Variants in STPG1 observed in about 807,000 individuals in gnomAD.
STPG1 encodes the protein O(6)-methylguanine-induced apoptosis 2.
Under a neutral mutation model 40.1 loss-of-function variants are expected in STPG1, and 33 were observed. The ratio of observed to expected loss-of-function variants is 0.82; its 90% CI spans 0.62 to 1.10. STPG1 has a LOEUF of 1.10. STPG1 is among the 50% of genes least tolerant of loss of function. STPG1 has a pLI of 0.00. For missense variants in STPG1, 396 were observed against 415.1 expected, an observed-to-expected ratio of 0.95 and a Z score of 0.40; for synonymous variants, 150 against 155.0, an observed-to-expected ratio of 0.97 and a Z score of 0.24.
chr1:24,388,674 C>CT (rs1451499706), intron 3 of STPG1, among the ~76,000 whole-genome samples: 1 of 152,208 alleles, frequency 6.6e-6, no homozygotes, highest in Non-Finnish European at 1.5e-5. Context: ...GTGTGGGTGA[C>CT]TAATGCTTTA....
rs751266236 is a variant in STPG1 at position 24,379,826 on chromosome 1, G to A, written c.292-3C>T. The A allele has an allele frequency of 5.6e-6, 9 of 1,613,098 alleles. No individual in the cohort carries two copies. The highest frequency in any genetic ancestry group is 1.3e-5 in the African/African-American group (1 of 74,906). On this transcript the variant is annotated splice_region_variant and splice_polypyrimidine_tract_variant and intron_variant, in intron 4 of 8. Coordinates refer to ENST00000337248, the MANE Select transcript of STPG1 (RefSeq NM_001199013.2). Reference sequence around the variant, plus strand: ...ATGATGGTGTCCAATCGGGCGCACTGTAAGGAGACAACCAAAGGAATCAGC... The same window carrying A: ...ATGATGGTGTCCAATCGGGCGCACTATAAGGAGACAACCAAAGGAATCAGC...
intron 5 of STPG1, among the ~76,000 whole-genome samples, chr1:24,377,828 C>G (rs1642099799): frequency 6.6e-6 from 1 of 152,222 alleles, no homozygotes. Flanking sequence ...CTGGTGCCCA[C>G]TGAAGTGCAA....
At chr1:24,407,097 C>T (rs1263888186) in intron 1 of STPG1, among the ~76,000 whole-genome samples, 1 of 152,172 alleles carries the variant, frequency 6.6e-6, no homozygotes, top group Non-Finnish European at 1.5e-5. Context: ...CCCTGGCAAC[C>T]ACCATTGTAC....
At chr1:24,382,183 A>C (rs1376749192) in intron 4 of STPG1, among the ~76,000 whole-genome samples, 1 of 152,114 alleles carries the variant, frequency 6.6e-6, no homozygotes, top group Non-Finnish European at 1.5e-5. Flanking sequence ...TTTCATTTGG[A>C]AAGTTACCGC....
At chr1:24,372,120 G>A (rs988641805) in intron 6 of STPG1, among the ~76,000 whole-genome samples, 2 of 152,212 alleles carry the variant, frequency 1.3e-5, no homozygotes, top group Admixed American at 6.5e-5. Context: ...GGAGGTTGCG[G>A]TGAGCCGAGA....
intron 2 of STPG1, among the ~76,000 whole-genome samples, chr1:24,396,678 C>T (rs1643019833): frequency 1.3e-5 from 2 of 152,026 alleles, no homozygotes; most frequent in African/African-American, 4.8e-5. Context: ...TTTAAGGTAA[C>T]CACTAGGAAA....
At chr1:24,360,430 A>G (rs1347924759) in intron 8 of STPG1, among the ~76,000 whole-genome samples, 2 of 152,240 alleles carry the variant, frequency 1.3e-5, no homozygotes, top group African/African-American at 2.4e-5. Context: ...TGGGCGATAC[A>G]GCGAGACTCC....
chr1:24,405,919 A>C (rs1570102761), intron 1 of STPG1, among the ~76,000 whole-genome samples: 1 of 152,048 alleles, frequency 6.6e-6, no homozygotes, highest in Non-Finnish European at 1.5e-5. Context: ...CTTTATATTT[A>C]ATTATTGAGT....
intron 3 of STPG1, among the ~76,000 whole-genome samples, chr1:24,386,583 A>G (rs1192986365): frequency 6.6e-6 from 1 of 152,236 alleles, no homozygotes; most frequent in African/African-American, 2.4e-5. Flanking sequence ...TGACCAGCAC[A>G]CCACCGCCTT....
chr1:24,361,978 C>T (rs1238685033), intron 7 of STPG1, among the ~76,000 whole-genome samples: 1 of 152,132 alleles, frequency 6.6e-6, no homozygotes, highest in Non-Finnish European at 1.5e-5. Flanking sequence ...TGCTACTCTC[C>T]CAACCATGTA....
chr1:24,358,572 C>T lies in STPG1; in HGVS notation c.976G>A (p.Glu326Lys), dbSNP rs780484873. 57 of 1,613,982 alleles carry T rather than the reference C, an allele frequency of 3.5e-5. No homozygotes were observed. The South Asian group carries it at 5.5e-4, about 16-fold the overall frequency. ...LPGKQSFLYN[E>K]DKKWIPVL Reference sequence around the variant, plus strand: ...AGAACCGGGATCCATTTCTTGTCCTCGTTGTAGAGGAAGGACTGCTTTCCT... The same window carrying T: ...AGAACCGGGATCCATTTCTTGTCCTTGTTGTAGAGGAAGGACTGCTTTCCT... Residue 326 changes from glutamate to lysine, a missense_variant, in exon 9 of 9, where the codon GAG (glutamate) becomes AAG (lysine). Coordinates refer to ENST00000337248, the MANE Select transcript of STPG1 (RefSeq NM_001199013.2).
chr1:24,396,022 T>C (rs1313437065), intron 2 of STPG1, among the ~76,000 whole-genome samples: 1 of 151,998 alleles, frequency 6.6e-6, no homozygotes, highest in African/African-American at 2.4e-5. Flanking sequence ...ATAACAACTG[T>C]TTTGTAGGGT....
chr1:24,369,785 G>A lies in STPG1; in HGVS notation c.626C>T (p.Ser209Phe), dbSNP rs1183808946. 6.2e-7 allele frequency: 1 copy of A among 1,613,006 alleles called. No homozygotes were observed. The highest frequency in any genetic ancestry group is 8.5e-7 in the Non-Finnish European group (1 of 1,179,124). ...LVKQSPNTLM[S>F]CFKSKTNRGL... ...ACGGTTGGTTTTTGATTTAAAACAA[G>A]ACATTAATGTATTTGGCGACTGCTT... Residue 209 changes from serine to phenylalanine, a missense_variant, in exon 7 of 9, where the codon TCT becomes TTT. Physicochemically the swap from Ser to Phe is radical, Grantham distance 155. Transcript: ENST00000337248.
At chr1:24,371,448 A>G (rs1641734534) in intron 6 of STPG1, among the ~76,000 whole-genome samples, 2 of 151,968 alleles carry the variant, frequency 1.3e-5, no homozygotes, top group Admixed American at 1.3e-4. Flanking sequence ...AAAATTAGCC[A>G]GGTGTGGTGG....
chr1:24,358,741 C>T (rs1640892787), intron 8 of STPG1, 122 bp from the exon 9 acceptor site: 5 of 673,892 alleles, frequency 7.4e-6, no homozygotes, highest in Admixed American at 5.5e-5. Context: ...GTATCTTACA[C>T]GTGGGGAGAC....
chr1:24,377,558 C>G (rs1184487435), intron 5 of STPG1, among the ~76,000 whole-genome samples: 2 of 152,110 alleles, frequency 1.3e-5, no homozygotes, highest in Non-Finnish European at 2.9e-5. Context: ...CTCTGACCAC[C>G]AAGTCAGAGA....
intron 3 of STPG1, 61 bp from the exon 4 acceptor site, chr1:24,384,064 G>A: frequency 9.5e-7 from 1 of 1,051,626 alleles, no homozygotes; most frequent in Middle Eastern, 2.0e-4. Context: ...CTTTTCCACA[G>A]GCTTTACATC....
At chr1:24,366,278 C>G (rs1457446680) in intron 7 of STPG1, among the ~76,000 whole-genome samples, 1 of 152,158 alleles carries the variant, frequency 6.6e-6, no homozygotes, top group Non-Finnish European at 1.5e-5. Context: ...AGGATTAGTT[C>G]TGATGTGGAC....
intron 1 of STPG1, among the ~76,000 whole-genome samples, chr1:24,403,707 T>G (rs1288954406): frequency 3.3e-5 from 5 of 152,142 alleles, no homozygotes; most frequent in Non-Finnish European, 5.9e-5. Flanking sequence ...TATTTCATAT[T>G]TTATGTCAAA....
Sources: gnomAD v4.1 joint callset for allele counts (sites outside exome capture counted in the v4.1 genomes callset) on GRCh38, gnomAD v4.1.1 for gene constraint, MANE v1.5 for transcripts, NCBI Gene and HGNC (gene_info 2026-07-23, HGNC 2026-07-21) for gene names.